The following CCDC180 variants were observed in gnomAD, a reference collection of about 807,000 sequenced individuals.
The protein encoded by CCDC180 is coiled-coil domain-containing protein 180.
CCDC180 carries 154 observed loss-of-function variants against 209.2 expected under a neutral mutation model. That is an observed-to-expected ratio of 0.74 (90% CI 0.65 to 0.84). The LOEUF (loss-of-function observed/expected upper bound fraction) is 0.84, where lower values mean the gene tolerates loss of function less well. CCDC180 is among the 40% of genes least tolerant of loss of function. The probability of loss-of-function intolerance (pLI) is 0.00; values close to 1 mark genes in which losing one functional copy is unlikely to be tolerated. For synonymous variants in CCDC180, 778 were observed against 749.1 expected, an observed-to-expected ratio of 1.04 and a Z score of -0.63; for missense variants, 1,874 against 1,997.3, an observed-to-expected ratio of 0.94 and a Z score of 1.18.
chr9:97,355,794 G>C (rs1016869124), intron 24 of CCDC180, among the ~76,000 whole-genome samples: 4 of 152,220 alleles, frequency 2.6e-5, no homozygotes, highest in African/African-American at 9.6e-5. Context: ...AGAAAGTGGG[G>C]ATTCCAGAGG....
At position 97,364,118 on chromosome 9, in the gene CCDC180, C is replaced by A. The variant is rs1018226314; in HGVS notation, c.3970C>A (p.Pro1324Thr). The A allele has an allele frequency of 1.2e-6, 2 of 1,614,094 alleles. No homozygotes were observed. The highest frequency in any genetic ancestry group is 3.3e-5 in the Admixed American group (2 of 60,016). ...KYRVLGDKPP[P>T]AAEDFKGIIL... ...CCGGGTGCTTGGGGACAAGCCTCCC[C>A]CTGCTGCCGAGTGAGTAACAACGCC... The change falls in exon 29 of 37, where the codon CCT (proline) becomes ACT (threonine). Residue 1324 changes from proline (P) to threonine (T), a missense_variant. Physicochemically the swap from Pro to Thr is conservative, Grantham distance 38. Coordinates refer to ENST00000529487, the MANE Select transcript of CCDC180 (RefSeq NM_020893.6).
chr9:97,346,895 T>A (rs1259904240), intron 19 of CCDC180, among the ~76,000 whole-genome samples: 1 of 152,152 alleles, frequency 6.6e-6, no homozygotes, highest in Non-Finnish European at 1.5e-5. Flanking sequence ...CTTAAGCACA[T>A]GAAAATATGC....
At position 97,366,140 on chromosome 9, in the gene CCDC180, G is replaced by A. The variant is rs1168903642; in HGVS notation, c.4047+401G>A. ...TCCCACATGCCCTGCACCGTAGTGC[G>A]AGTGCCTTCTCCTGTCTGCCTCCCA... is the stretch of plus-strand genomic sequence containing the variant. On this transcript the variant is annotated intron_variant, in intron 30 of 36. Coordinates refer to ENST00000529487, the MANE Select transcript of CCDC180 (RefSeq NM_020893.6). The surrounding 1 kb of genome is among the most constrained non-coding windows in gnomAD (Gnocchi z 4.3). Among the ~76,000 whole-genome samples, 5 of 152,198 alleles carry A rather than the reference G, an allele frequency of 3.3e-5. No homozygotes were observed. Among genetic ancestry groups the A allele is most frequent in the Admixed American group, 1.3e-4 (2 of 15,284 alleles).
chr9:97,348,743 C>G (rs1826342179), intron 20 of CCDC180, among the ~76,000 whole-genome samples: 2 of 152,206 alleles, frequency 1.3e-5, no homozygotes, highest in African/African-American at 2.4e-5. Flanking sequence ...GGAGCAAACT[C>G]AGACTGCTCA....
chr9:97,351,502 T>A (rs1468297972), intron 22 of CCDC180, among the ~76,000 whole-genome samples: 1 of 152,196 alleles, frequency 6.6e-6, no homozygotes, highest in Admixed American at 6.5e-5. Flanking sequence ...TAATCCTAGA[T>A]TTAGTCTTTG....
chr9:97,365,232 A>G (rs1826884024), intron 29 of CCDC180: 1 of 155,842 alleles, frequency 6.4e-6, no homozygotes, highest in African/African-American at 2.4e-5. Flanking sequence ...TTTGTTTTCT[A>G]GCTAGAAACT....
intron 22 of CCDC180, among the ~76,000 whole-genome samples, chr9:97,353,302 A>G (rs1337135613): frequency 6.6e-6 from 1 of 152,074 alleles, no homozygotes; most frequent in African/African-American, 2.4e-5. Flanking sequence ...CTGCCCATTT[A>G]TAATTATATT....
At chr9:97,344,628 T>C (rs1826194218) in intron 19 of CCDC180, among the ~76,000 whole-genome samples, 1 of 152,220 alleles carries the variant, frequency 6.6e-6, no homozygotes, top group Admixed American at 6.5e-5. Flanking sequence ...GGAAGCAGTT[T>C]GATCCCAGAT....
At chr9:97,317,352 A>G in intron 9 of CCDC180, 124 bp downstream of exon 9, 1 of 887,856 alleles carries the variant, frequency 1.1e-6, no homozygotes, top group Admixed American at 3.1e-5. Flanking sequence ...TGCTCTTTTT[A>G]AAGTTAGAAA....
rs73656803 is a variant in CCDC180 at position 97,328,152 on chromosome 9, G to A, written c.1788+6G>A. On this transcript the variant is annotated splice_donor_region_variant and intron_variant, in intron 16 of 36. Transcript: ENST00000529487. ...TGCGTGAAATCTTTGAACAGGTATGGAGAGGGTGATGATACACCCAGCCAC... is the reference window on the plus strand; with the variant it reads ...TGCGTGAAATCTTTGAACAGGTATGAAGAGGGTGATGATACACCCAGCCAC... 1.2e-6 allele frequency: 2 copies of A among 1,613,096 alleles called. No homozygotes were observed. The highest frequency in any genetic ancestry group is 1.7e-5 in the Admixed American group (1 of 59,890).
chr9:97,346,599 CAGAA>C (rs1826267803), intron 19 of CCDC180, among the ~76,000 whole-genome samples: 1 of 152,150 alleles, frequency 6.6e-6, no homozygotes, highest in Admixed American at 6.5e-5. Context: ...GGACAGTACA[CAGAA>C]AGAGAAATTA....
intron 19 of CCDC180, among the ~76,000 whole-genome samples, chr9:97,345,404 ATATAGT>A (rs1268513605): frequency 7.2e-5 from 11 of 152,184 alleles, no homozygotes; most frequent in Admixed American, 5.9e-4. Flanking sequence ...AGCTGTTCTG[ATATAGT>A]TATAGTGGTG....
rs143464371 is a variant in CCDC180, at chr9:97,365,682, G to A, written c.3990G>A (p.Lys1330=). 328 of 1,614,124 alleles carry A rather than the reference G, an allele frequency of 2.0e-4. No homozygotes were observed. The African/African-American group carries it at 3.7e-3, about 18-fold the overall frequency. ...DKPPPAAEDF[K]GIILTLLWES... Reference sequence around the variant, plus strand: ...CTCGTGTGTGTTGCAGGGATTTTAAGGGGATCATCTTGACCCTCCTCTGGG... The same window carrying A: ...CTCGTGTGTGTTGCAGGGATTTTAAAGGGATCATCTTGACCCTCCTCTGGG... The change falls in exon 30 of 37, where the codon AAG becomes AAA. Residue 1330 remains lysine, a synonymous_variant. Transcript: ENST00000529487.
At chr9:97,362,080 C>T (rs769085194) in intron 27 of CCDC180, 116 bp from the exon 28 acceptor site, 69 of 1,444,576 alleles carry the variant, frequency 4.8e-5, no homozygotes, top group Non-Finnish European at 5.9e-5. Flanking sequence ...AAATGGGGCT[C>T]GTGACAGGAC....
chr9:97,332,671 G>C (rs1400358182), intron 18 of CCDC180, among the ~76,000 whole-genome samples: 1 of 152,082 alleles, frequency 6.6e-6, no homozygotes, highest in African/African-American at 2.4e-5. Flanking sequence ...TTGGCTCTCG[G>C]CTTAGATGTT....
At chr9:97,358,657 T>C (rs970031937) in intron 25 of CCDC180, among the ~76,000 whole-genome samples, 2 of 152,170 alleles carry the variant, frequency 1.3e-5, no homozygotes, top group Non-Finnish European at 2.9e-5. Flanking sequence ...GTTCTCTTCC[T>C]GGATCTACGG....
At chr9:97,376,243 G>A (rs1206024674) in intron 36 of CCDC180, 1 of 157,190 alleles carries the variant, frequency 6.4e-6, no homozygotes, top group African/African-American at 2.4e-5. Flanking sequence ...TGGACCTTTG[G>A]TCCTGATGTC....
At chr9:97,357,385 G>C (rs1826612873) in intron 24 of CCDC180, among the ~76,000 whole-genome samples, 1 of 152,184 alleles carries the variant, frequency 6.6e-6, no homozygotes, top group Non-Finnish European at 1.5e-5. Context: ...TGCTAAAGCA[G>C]AGCCTGTCCT....
At chr9:97,355,142 A>G (rs1564169971) in intron 24 of CCDC180, 134 bp downstream of exon 24, 2 of 634,970 alleles carry the variant, frequency 3.1e-6, no homozygotes, top group Non-Finnish European at 5.6e-6. Context: ...GAAGACAGAC[A>G]CAATCTTTTT....
Sources: allele counts gnomAD v4.1 joint callset (sites outside exome capture counted in the v4.1 genomes callset), GRCh38; gene constraint gnomAD v4.1.1; non-coding constraint Gnocchi (gnomAD v3.1); transcripts MANE v1.5; gene names NCBI Gene and HGNC (gene_info 2026-07-23, HGNC 2026-07-21).